ARHGEF6: variants seen among roughly 807,000 people sequenced by gnomAD.
ARHGEF6 encodes rho guanine nucleotide exchange factor 6.
ARHGEF6 carries 9 observed loss-of-function variants against 70.3 expected under a neutral mutation model. The observed-to-expected ratio is 0.13, with a 90% CI of 0.08 to 0.22. ARHGEF6 has a LOEUF of 0.22. Among genes scored for constraint, ARHGEF6 ranks in the 10% least tolerant of loss-of-function variants. ARHGEF6 has a pLI of 1.00. For missense variants in ARHGEF6, 470 were observed against 563.0 expected, an observed-to-expected ratio of 0.83 and a Z score of 1.67; for synonymous variants, 201 against 207.8, an observed-to-expected ratio of 0.97 and a Z score of 0.28.
chrX:136,762,836 G>A (rs2077276809), intron 2 of ARHGEF6, among the ~76,000 whole-genome samples: 1 of 111,842 alleles, frequency 8.9e-6, no homozygotes, highest in African/African-American at 3.3e-5. Flanking sequence ...CCTCCTAGGA[G>A]GTTAGCATAT....
chrX:136,711,214 G>C (rs1007847126), intron 7 of ARHGEF6, among the ~76,000 whole-genome samples: 7 of 111,981 alleles, frequency 6.3e-5, no homozygotes, highest in African/African-American at 2.3e-4. Context: ...ATTGTTTCTT[G>C]ATCACTAATC....
chrX:136,678,016 C>A (rs190459455), intron 16 of ARHGEF6, 60 bp from the exon 17 acceptor site: 2 of 973,127 alleles, frequency 2.1e-6, no homozygotes, highest in East Asian at 3.1e-5. Context: ...TTATAATGAC[C>A]AAATCCACTT....
intron 2 of ARHGEF6, chrX:136,767,700 C>G: frequency 1.3e-6 from 1 of 754,428 alleles, no homozygotes; most frequent in African/African-American, 2.3e-5. Context: ...CAGCTACCCG[C>G]GCCGGTCCCC....
At chrX:136,773,455 C>T (rs371794259) in intron 2 of ARHGEF6, among the ~76,000 whole-genome samples, 2 of 112,191 alleles carry the variant, frequency 1.8e-5, no homozygotes, top group Non-Finnish European at 3.8e-5. Flanking sequence ...TTGGCTGCTT[C>T]GTGCTCCCCA....
chrX:136,686,037 C>A (rs771972209), intron 11 of ARHGEF6, among the ~76,000 whole-genome samples: 117 of 111,688 alleles, frequency 1.0e-3, no homozygotes, highest in Middle Eastern at 4.6e-3. Context: ...TGAGGAAGGC[C>A]TATTTTTCAT....
chrX:136,665,785 T>G lies in ARHGEF6; in HGVS notation c.*2244A>C, dbSNP rs1043644233. On this transcript the variant is annotated 3_prime_UTR_variant, in exon 22 of 22. Coordinates refer to ENST00000250617, the MANE Select transcript of ARHGEF6 (RefSeq NM_004840.3). The stretch of plus-strand genomic sequence containing the variant: ...CTCAGATTAACATGGCTTCATTTCC[T>G]TTATATTATAGTTTAGTGTGTAAGC... 1 of 111,694 alleles carries G rather than the reference T, an allele frequency of 9.0e-6. No individual in the cohort carries two copies. The highest frequency in any genetic ancestry group is 1.9e-5 in the Non-Finnish European group (1 of 53,083). 9.2% of individuals were successfully genotyped at this position (111,694 alleles called of 1,213,427 possible).
At chrX:136,727,156 T>A (rs1394089438) in intron 6 of ARHGEF6, among the ~76,000 whole-genome samples, 1 of 111,414 alleles carries the variant, frequency 9.0e-6, no homozygotes, top group Non-Finnish European at 1.9e-5. Flanking sequence ...TTGGTTCTCA[T>A]ATTTTAGGTG....
At position 136,680,883 on chromosome X, in the gene ARHGEF6, C is replaced by T. The variant is rs1271202382; in HGVS notation, c.1559-7G>A. The T allele has an allele frequency of 6.6e-6, 8 of 1,211,320 alleles. No individual in the cohort carries two copies. The highest frequency in any genetic ancestry group is 7.8e-6 in the Non-Finnish European group (7 of 895,085). On this transcript the variant is annotated splice_polypyrimidine_tract_variant and splice_region_variant and intron_variant, in intron 14 of 21. Coordinates refer to ENST00000250617, the MANE Select transcript of ARHGEF6 (RefSeq NM_004840.3). ...ATTCTCTCCACTGTGTTACCTACAT[C>T]CCCCAATTATGATCAGTTTGAAAAC...
intron 2 of ARHGEF6, among the ~76,000 whole-genome samples, chrX:136,764,606 G>A (rs984022371): frequency 1.8e-5 from 2 of 111,090 alleles, no homozygotes; most frequent in African/African-American, 3.3e-5. Context: ...CGATAGTGGT[G>A]GATAGTCATG....
chrX:136,740,003 C>CATTATTATTATT (rs746167958), intron 5 of ARHGEF6, among the ~76,000 whole-genome samples: 1 of 109,738 alleles, frequency 9.1e-6, no homozygotes, highest in African/African-American at 3.4e-5. Flanking sequence ...ACCCAAGTTA[C>CATTATTATTATT]ATTATTATTA....
chrX:136,745,050 C>T lies in ARHGEF6; in HGVS notation c.459+173G>A, dbSNP rs183822177. 6.5e-4 allele frequency among the ~76,000 whole-genome samples: 73 copies of T among 112,026 alleles called. 1 individual carries two copies. Among genetic ancestry groups the T allele is most frequent in the Non-Finnish European group, 2.6e-4 (14 of 53,198 alleles). ...TCCGGATTTTTGCCCCACCACATGC[C>T]TTTGATTTGCTCCTTCGGGCCAGCC... is the stretch of plus-strand genomic sequence containing the variant. On this transcript the variant is annotated intron_variant, in intron 4 of 21. Transcript: ENST00000250617.
At chrX:136,696,846 C>T (rs62603506) in intron 9 of ARHGEF6, among the ~76,000 whole-genome samples, 3,921 of 110,029 alleles carry the variant, frequency 0.036, 88 homozygotes, top group Non-Finnish European at 0.059. Context: ...GTAGAGAGGC[C>T]TCCCTGGCCT....
intron 5 of ARHGEF6, among the ~76,000 whole-genome samples, chrX:136,739,174 G>A (rs1042133822): frequency 7.1e-5 from 8 of 111,898 alleles, no homozygotes; most frequent in African/African-American, 2.6e-4. Context: ...TTACTTCCAT[G>A]CTTGAACTTA....
chrX:136,727,325 T>TTCTTTTTCTTTCTTTCTTTC (rs1556284733), intron 6 of ARHGEF6, among the ~76,000 whole-genome samples: 40 of 61,108 alleles, frequency 6.5e-4, no homozygotes, highest in South Asian at 2.2e-3. Flanking sequence ...CTTTCTTTCT[T>TTCTTTTTCTTTCTTTCTTTC]TTTCTTTCTT....
intron 2 of ARHGEF6, among the ~76,000 whole-genome samples, chrX:136,771,749 C>T (rs1221702579): frequency 8.9e-6 from 1 of 111,898 alleles, no homozygotes; most frequent in Non-Finnish European, 1.9e-5. Context: ...AACTTTTGGA[C>T]AGGCAATAAC....
chrX:136,773,084 G>A (rs896868122), intron 2 of ARHGEF6, among the ~76,000 whole-genome samples: 3 of 111,476 alleles, frequency 2.7e-5, no homozygotes, highest in Non-Finnish European at 5.6e-5. Context: ...CAGAGGACCA[G>A]AAGGCAACAG....
In ARHGEF6 at chrX:136,727,387, TTCTTTCTTTCTCTC is replaced by T. The variant is rs1569411007; in HGVS notation, c.732+4701_732+4714del. Among the ~76,000 whole-genome samples, 43 of 71,325 alleles carry T rather than the reference TTCTTTCTTTCTCTC, an allele frequency of 6.0e-4. 1 individual carries two copies. The highest frequency in any genetic ancestry group is 2.1e-3 in the African/African-American group (37 of 17,728). 61.9% of individuals were successfully genotyped at this position (71,325 alleles called of 115,157 possible). A position where few individuals can be genotyped will look rare whatever the true frequency, so the allele number is the denominator to read the frequency against. On this transcript the variant is annotated intron_variant, in intron 6 of 21. Transcript: ENST00000250617. ...TTTCTTTCTTTCTTTCTTTCTTTCTTTCTTTCTTTCTCTCTCTCTCTCTCTCTTTCTTTCTTTCT... is the reference window on the plus strand; with the variant it reads ...TTTCTTTCTTTCTTTCTTTCTTTCTTTCTCTCTCTCTCTTTCTTTCTTTCT...
chrX:136,667,807 G>T lies in ARHGEF6; in HGVS notation c.*222C>A. ...TTTTTCACCTGTTGAAAAAAAAAAT[G>T]AACAACCAACCAATAACCAAACAAC... is the stretch of plus-strand genomic sequence containing the variant. On this transcript the variant is annotated 3_prime_UTR_variant, in exon 22 of 22. Coordinates refer to ENST00000250617, the MANE Select transcript of ARHGEF6 (RefSeq NM_004840.3). The T allele has an allele frequency of 2.3e-6, 1 of 429,960 alleles. No individual in the cohort carries two copies. The highest frequency in any genetic ancestry group is 3.9e-6 in the Non-Finnish European group (1 of 253,282). The allele number at this position is 429,960 out of a possible 1,213,427, so 35.4% of individuals were successfully genotyped here.
chrX:136,685,717 A>G lies in ARHGEF6; in HGVS notation c.1352T>C (p.Ile451Thr). Reference protein sequence around the residue: ...GEDIKNLGNVIFMSQVMVQYG... With the variant: ...GEDIKNLGNVTFMSQVMVQYG... The stretch of plus-strand genomic sequence containing the variant: ...CTGCACCATTACTTGTGACATAAAA[A>G]TCACATTTCCCAAGTTTTTAATATC... The change falls in exon 12 of 22, where the codon ATT (isoleucine) becomes ACT (threonine). Residue 451 changes from isoleucine (I) to threonine (T), a missense_variant. Transcript: ENST00000250617. 2.5e-6 allele frequency: 3 copies of G among 1,210,992 alleles called. No homozygotes were observed. The highest frequency in any genetic ancestry group is 3.4e-6 in the Non-Finnish European group (3 of 894,793).
Sources: gnomAD v4.1 joint callset for allele counts (sites outside exome capture counted in the v4.1 genomes callset) on GRCh38, gnomAD v4.1.1 for gene constraint, MANE v1.5 for transcripts, NCBI Gene and HGNC (gene_info 2026-07-23, HGNC 2026-07-21) for gene names.